The following RSBN1 variants were observed in gnomAD, a reference collection of about 807,000 sequenced individuals.
The protein encoded by RSBN1 is round spermatid basic protein 1, also known as lysine-specific demethylase 9.
A neutral mutation model predicts 74.8 loss-of-function variants in RSBN1; 23 were observed. That is an observed-to-expected ratio of 0.31 (90% CI 0.22 to 0.44). RSBN1 has a LOEUF of 0.44. Ranked by LOEUF, RSBN1 falls within the 20% of genes least tolerant of loss-of-function variation. The pLI, the probability that RSBN1 is intolerant of heterozygous loss-of-function variation, is 1.00. For missense variants in RSBN1, 808 were observed against 1,020.9 expected (o/e 0.79, Z 2.84); for synonymous variants, 407 against 379.6 (o/e 1.07, Z -0.84).
chr1:113,793,145 A>G (rs1423766935), intron 2 of RSBN1, among the ~76,000 whole-genome samples: 1 of 152,256 alleles, frequency 6.6e-6, no homozygotes, highest in Non-Finnish European at 1.5e-5. Context: ...TTTAATGTGC[A>G]TATGAATCAC....
Position 113,812,002 on chromosome 1 carries a change from A to T in RSBN1, c.411T>A (p.Pro137=). ...GAGGCGGCAGGAGAAGAGGCTCAAC[A>T]GGGCCTGGGACAGTTGGGGCTGCAT... is the stretch of plus-strand genomic sequence containing the variant. ...PTNAAPTVPG[P]VEPLLLPPPP... The change falls in exon 1 of 7, where the codon CCT becomes CCA. Residue 137 remains proline (P), a synonymous_variant. Coordinates refer to ENST00000261441, the MANE Select transcript of RSBN1 (RefSeq NM_018364.5). The T allele has an allele frequency of 6.4e-7, 1 of 1,551,910 alleles. No homozygotes were observed. The highest frequency in any genetic ancestry group is 8.7e-7 in the Non-Finnish European group (1 of 1,148,476).
chr1:113,803,135 G>A (rs1426978979), intron 1 of RSBN1, among the ~76,000 whole-genome samples: 2 of 152,106 alleles, frequency 1.3e-5, no homozygotes, highest in African/African-American at 2.4e-5. Context: ...CTTCCACTTG[G>A]TAATATGCAT....
chr1:113,768,016 C>T (rs1172688373), intron 5 of RSBN1: 3 of 426,576 alleles, frequency 7.0e-6, no homozygotes, highest in South Asian at 5.1e-5. Context: ...GTTACAGCCT[C>T]GCAAGATGAA....
intron 2 of RSBN1, among the ~76,000 whole-genome samples, chr1:113,794,944 C>A (rs1346641153): frequency 3.3e-5 from 5 of 152,152 alleles, no homozygotes; most frequent in Admixed American, 1.3e-4. Context: ...TAAATAACTT[C>A]CAATAACTAT....
intron 1 of RSBN1, 22 bp from the exon 2 acceptor site, chr1:113,798,058 A>T (rs868498665): frequency 1.3e-6 from 2 of 1,576,432 alleles, no homozygotes; most frequent in Middle Eastern, 1.7e-4. Context: ...AATTAAAAAG[A>T]AGTTAGTTGC....
rs1364823233 is a variant in RSBN1, at chr1:113,766,346, A to G, written c.2043T>C (p.Asn681=). The change falls in exon 7 of 7, where the codon AAT becomes AAC. Residue 681 remains asparagine (N), a synonymous_variant. Coordinates refer to ENST00000261441, the MANE Select transcript of RSBN1 (RefSeq NM_018364.5). ...AAACTGTTTTGAACTGATGAATGAC[A>G]TTTCTAGGGATGAAGTAGATATCAT... ...CDNDIYFIPR[N]VIHQFKTVSA... 6.2e-7 allele frequency: 1 copy of G among 1,613,984 alleles called. No individual in the cohort carries two copies. The highest frequency in any genetic ancestry group is 8.5e-7 in the Non-Finnish European group (1 of 1,179,962).
intron 2 of RSBN1, among the ~76,000 whole-genome samples, chr1:113,781,916 C>T (rs1192679738): frequency 6.6e-6 from 1 of 152,156 alleles, no homozygotes; most frequent in Non-Finnish European, 1.5e-5. Context: ...TTCCTATCCC[C>T]AAGAGCCATC....
intron 2 of RSBN1, among the ~76,000 whole-genome samples, chr1:113,780,560 G>T (rs183020844): frequency 6.6e-6 from 1 of 152,348 alleles, no homozygotes; most frequent in East Asian, 1.9e-4. Context: ...GGGAGCAACA[G>T]AAGACAAAGA....
At chr1:113,808,277 T>C (rs1431502457) in intron 1 of RSBN1, among the ~76,000 whole-genome samples, 2 of 152,184 alleles carry the variant, frequency 1.3e-5, no homozygotes, top group Non-Finnish European at 2.9e-5. Flanking sequence ...ATATTTTAAA[T>C]CATCTCCAGA....
At chr1:113,766,613 G>A (rs184800738) in intron 6 of RSBN1, among the ~76,000 whole-genome samples, 160 bp from the exon 7 acceptor site, 46 of 152,310 alleles carry the variant, frequency 3.0e-4, no homozygotes, top group African/African-American at 1.1e-3. Flanking sequence ...AAAAATTCTT[G>A]TAATGCCTGG....
intron 1 of RSBN1, among the ~76,000 whole-genome samples, chr1:113,805,566 GA>G (rs1257898412): frequency 2.0e-5 from 3 of 152,062 alleles, no homozygotes; most frequent in Non-Finnish European, 2.9e-5. Flanking sequence ...GGCCATGAGG[GA>G]AAAAAATTGA....
chr1:113,797,296 C>A (rs1163960450), intron 2 of RSBN1, 67 bp downstream of exon 2: 2 of 1,274,654 alleles, frequency 1.6e-6, no homozygotes, highest in East Asian at 2.4e-5. Context: ...ATGTGCTGTG[C>A]GACAGAAAGA....
At chr1:113,780,413 A>G (rs1660115877) in intron 2 of RSBN1, among the ~76,000 whole-genome samples, 1 of 152,248 alleles carries the variant, frequency 6.6e-6, no homozygotes, top group South Asian at 2.1e-4. Context: ...AAACACCACT[A>G]AACTCAACAG....
Position 113,764,670 on chromosome 1 carries a change from GAA to G in RSBN1, c.*1308_*1309del, listed in dbSNP as rs34446138. The G allele has an allele frequency of 1.0e-4, 14 of 139,262 alleles. No homozygotes were observed. Among genetic ancestry groups the G allele is most frequent in the East Asian group, 2.0e-4 (1 of 5,038 alleles). The allele number at this position is 139,262 out of a possible 1,614,324, so 8.6% of individuals were successfully genotyped here. A position where few individuals can be genotyped will look rare whatever the true frequency, so the allele number is the denominator to read the frequency against. ...AAATATTTCAAATCTTACCATCCAG[GAA>G]AAAAAAAAAATCTCCAAATTGCACT... On this transcript the variant is annotated 3_prime_UTR_variant, in exon 7 of 7. Transcript: ENST00000261441.
chr1:113,766,361 G>A lies in RSBN1; in HGVS notation c.2028C>T (p.Tyr676=). 6.2e-7 allele frequency: 1 copy of A among 1,614,084 alleles called. No homozygotes were observed. Among genetic ancestry groups the A allele is most frequent in the Non-Finnish European group, 8.5e-7 (1 of 1,179,936 alleles). The change falls in exon 7 of 7, where the codon TAC becomes TAT. Residue 676 remains tyrosine, a synonymous_variant. Transcript: ENST00000261441. The part of the protein sequence containing the change: ...ARIQLCDNDI[Y]FIPRNVIHQF... Reference sequence around the variant, plus strand: ...GATGAATGACATTTCTAGGGATGAAGTAGATATCATTGTCGCAAAGCTGAA... The same window carrying A: ...GATGAATGACATTTCTAGGGATGAAATAGATATCATTGTCGCAAAGCTGAA...
Position 113,811,931 on chromosome 1 carries a change from G to A in RSBN1, c.482C>T (p.Pro161Leu), listed in dbSNP as rs753266946. The A allele has an allele frequency of 2.9e-5, 47 of 1,601,596 alleles. No homozygotes were observed. The highest frequency in any genetic ancestry group is 3.8e-5 in the Non-Finnish European group (45 of 1,173,778). Residue 161 changes from proline (P) to leucine (L), a missense_variant, in exon 1 of 7, where the codon CCT becomes CTT. Physicochemically the swap from Pro to Leu is moderately conservative, Grantham distance 98. Transcript: ENST00000261441. The stretch of plus-strand genomic sequence containing the variant: ...GGCCGAGGTGCTTGGGGCCGGGAGA[G>A]GGGCAGCGACAGCGGGCCCGGCGGG... ...LAPAGPAVAA[P>L]LPAPSTSALF... is the part of the protein sequence containing the mutation.
intron 1 of RSBN1, among the ~76,000 whole-genome samples, chr1:113,805,306 G>A (rs752230630): frequency 2.0e-5 from 3 of 152,068 alleles, no homozygotes; most frequent in Admixed American, 2.0e-4. Context: ...GACTAGGCTG[G>A]TGTCAAACTC....
chr1:113,786,445 T>C (rs1660244714), intron 2 of RSBN1, among the ~76,000 whole-genome samples: 1 of 152,182 alleles, frequency 6.6e-6, no homozygotes, highest in Non-Finnish European at 1.5e-5. Flanking sequence ...TCCTGGATTA[T>C]CCAGGTGGGC....
At position 113,768,254 on chromosome 1, in the gene RSBN1, A is replaced by C. The variant is rs747164218; in HGVS notation, c.1794T>G (p.Val598=). 1 of 1,611,684 alleles carries C rather than the reference A, an allele frequency of 6.2e-7. No homozygotes were observed. Among genetic ancestry groups the C allele is most frequent in the Admixed American group, 1.7e-5 (1 of 59,364 alleles). Residue 598 remains valine (V), a synonymous_variant, in exon 5 of 7, where the codon GTT becomes GTG. Transcript: ENST00000261441. ...CAAATTGTACAGCTTTCAAAACTCC[A>C]ACAGCAGCCGTACTCTGCCAGTCAA... is the stretch of plus-strand genomic sequence containing the variant. ...QGFDWQSTAA[V]GVLKAVQFGE...
Sources: gnomAD v4.1 joint callset for allele counts (sites outside exome capture counted in the v4.1 genomes callset) on GRCh38, gnomAD v4.1.1 for gene constraint, MANE v1.5 for transcripts, NCBI Gene and HGNC (gene_info 2026-07-23, HGNC 2026-07-21) for gene names.